The following ZNF479 variants were observed in gnomAD, a reference collection of about 807,000 sequenced individuals.
ZNF479 encodes KRAB zinc finger protein KR19.
A neutral mutation model predicts 14.7 loss-of-function variants in ZNF479; 15 were observed. The observed-to-expected ratio is 1.02, with a 90% confidence interval of 0.68 to 1.57. ZNF479 has a LOEUF of 1.57. Among genes scored for constraint, ZNF479 ranks in the 40% most tolerant of loss-of-function variants. The pLI is 0.00. For synonymous variants in ZNF479, 145 were observed against 211.5 expected (o/e 0.69, Z 2.73); for missense variants, 506 against 615.1 (o/e 0.82, Z 1.88).
At chr7:57,125,867 C>T in intron 3 of ZNF479, 151 bp downstream of exon 3, 1 of 851,724 alleles carries the variant, frequency 1.2e-6, no homozygotes, top group East Asian at 2.6e-5. Context: ...GGAGGTGTCC[C>T]TATGTGAGAG....
Position 57,118,674 on chromosome 7 carries a change from A to G in ZNF479, c.*1166T>C, listed in dbSNP as rs1349270906. Among the ~76,000 whole-genome samples the G allele has an allele frequency of 1.3e-5, 2 of 152,124 alleles. No individual in the cohort carries two copies. The highest frequency in any genetic ancestry group is 2.9e-5 in the Non-Finnish European group (2 of 68,026). ...CATGAGCCAACACACCTGACCTATA[A>G]TCCCTTTATTAAGTATAAACTTTCT... On this transcript the variant is annotated 3_prime_UTR_variant, in exon 4 of 4. Coordinates refer to ENST00000319636, the MANE Select transcript of ZNF479 (RefSeq NM_001370129.2).
upstream of ZNF479, among the ~76,000 whole-genome samples, chr7:57,137,009 TCTCAAAAAAAAGAAAGG>T (rs1786679279): frequency 6.6e-6 from 1 of 152,034 alleles, no homozygotes; most frequent in Non-Finnish European, 1.5e-5. Flanking sequence ...GGAGACACTG[TCTCAAAAAAAAGAAAGG>T]CTCATTGGTT....
Position 57,120,705 on chromosome 7 carries a change from C to G in ZNF479, c.710G>C (p.Gly237Ala), listed in dbSNP as rs782635917. ...NHTTHKIIHT[G>A]EKPYRCEECG... is the part of the protein sequence containing the mutation. ...TTCCTCACATCTATATGGTTTCTCT[C>G]CAGTATGAATTATTTTATGTGTAGT... Residue 237 changes from glycine to alanine, a missense_variant, in exon 4 of 4, where the codon GGA (glycine) becomes GCA (alanine). Physicochemically the swap from Gly to Ala is moderately conservative, Grantham distance 60. Transcript: ENST00000319636. 4.3e-6 allele frequency: 7 copies of G among 1,612,736 alleles called. No individual in the cohort carries two copies. In the Admixed American group the frequency reaches 1.2e-4, roughly 27 times the overall value.
At chr7:57,134,264 AGC>A (rs544942797), upstream of ZNF479, among the ~76,000 whole-genome samples, 78 of 152,338 alleles carry the variant, frequency 5.1e-4, no homozygotes, top group Admixed American at 1.4e-3. Context: ...GCAGTAAAGA[AGC>A]GACAAAAATC....
Position 57,120,738 on chromosome 7 carries a change from G to A in ZNF479, c.677C>T (p.Ser226Leu), listed in dbSNP as rs1467721435. The change falls in exon 4 of 4, where the codon TCA becomes TTA. Residue 226 changes from serine to leucine, a missense_variant. Coordinates refer to ENST00000319636, the MANE Select transcript of ZNF479 (RefSeq NM_001370129.2). The part of the protein sequence containing the change: ...KECGKSFNCS[S>L]NHTTHKIIHT... Reference sequence around the variant, plus strand: ...AATTATTTTATGTGTAGTATGGTTTGAGGAGCAGTTAAAGGATTTGCCACA... The same window carrying A: ...AATTATTTTATGTGTAGTATGGTTTAAGGAGCAGTTAAAGGATTTGCCACA... The A allele has an allele frequency of 1.1e-5, 17 of 1,612,488 alleles. No homozygotes were observed. The highest frequency in any genetic ancestry group is 1.4e-5 in the Non-Finnish European group (17 of 1,179,374).
In ZNF479 at chr7:57,118,264, GAAGTA is replaced by G. The variant is rs1483199063; in HGVS notation, c.*1571_*1575del. On this transcript the variant is annotated 3_prime_UTR_variant, in exon 4 of 4. Transcript: ENST00000319636. ...AATGTGTACAATAAAATCTGTAATG[GAAGTA>G]AAGGTACAGCAATCCTCTTTAAGTT... Among the ~76,000 whole-genome samples, 1 of 152,218 alleles carries G rather than the reference GAAGTA, an allele frequency of 6.6e-6. No homozygotes were observed. The highest frequency in any genetic ancestry group is 2.4e-5 in the African/African-American group (1 of 41,462).
At chr7:57,134,215 G>A (rs527325899), upstream of ZNF479, among the ~76,000 whole-genome samples, 8 of 152,216 alleles carry the variant, frequency 5.3e-5, no homozygotes, top group East Asian at 5.8e-4. Context: ...AGATTGGCAC[G>A]AGATCCATTT....
At chr7:57,132,674 T>C (rs535849364), upstream of ZNF479, among the ~76,000 whole-genome samples, 23 of 152,328 alleles carry the variant, frequency 1.5e-4, no homozygotes, top group African/African-American at 4.8e-4. Context: ...GATATTTGCA[T>C]TTAACCTTGT....
intron 1 of ZNF479, among the ~76,000 whole-genome samples, chr7:57,130,449 G>C (rs1189438349): frequency 6.6e-6 from 1 of 151,784 alleles, no homozygotes; most frequent in Non-Finnish European, 1.5e-5. Flanking sequence ...CTCCAGCCTG[G>C]GTGTAAGAGT....
intron 3 of ZNF479, among the ~76,000 whole-genome samples, chr7:57,123,284 G>A (rs13231419): frequency 0.28 from 43,294 of 152,022 alleles, 7,130 homozygotes; most frequent in East Asian, 0.53. Context: ...ATGTGAATTA[G>A]TAGAGTGAGA....
Position 57,120,603 on chromosome 7 carries a change from C to T in ZNF479, c.812G>A (p.Cys271Tyr). Residue 271 changes from cysteine to tyrosine, a missense_variant, in exon 4 of 4, where the codon TGT becomes TAT. Coordinates refer to ENST00000319636, the MANE Select transcript of ZNF479 (RefSeq NM_001370129.2). ...RTHTGEKPYT[C>Y]EECGQAFRRS... is the part of the protein sequence containing the mutation. ...CCTAAAGGCTTGGCCACATTCTTCA[C>T]ACGTGTAGGGTTTCTCTCCAGTATG... 8 of 1,614,004 alleles carry T rather than the reference C, an allele frequency of 5.0e-6. No homozygotes were observed. The highest frequency in any genetic ancestry group is 6.8e-6 in the Non-Finnish European group (8 of 1,179,932).
At chr7:57,122,894 A>T (rs1424858660) in intron 3 of ZNF479, among the ~76,000 whole-genome samples, 10 of 152,132 alleles carry the variant, frequency 6.6e-5, no homozygotes, top group Non-Finnish European at 1.3e-4. Flanking sequence ...ATATAAAGCA[A>T]ATATTGACAG....
chr7:57,139,346 G>T (rs985606467), intron 1 of ZNF479, among the ~76,000 whole-genome samples: 1 of 152,186 alleles, frequency 6.6e-6, no homozygotes, highest in Non-Finnish European at 1.5e-5. Context: ...TGAGGCTGTG[G>T]CTCTGCTACT....
At chr7:57,133,566 A>T (rs1217901407), upstream of ZNF479, among the ~76,000 whole-genome samples, 2 of 152,170 alleles carry the variant, frequency 1.3e-5, no homozygotes, top group African/African-American at 2.4e-5. Context: ...AATGTTAAAA[A>T]GTAAAAAGAA....
upstream of ZNF479, among the ~76,000 whole-genome samples, chr7:57,133,292 T>C (rs544354411): frequency 3.0e-4 from 45 of 152,242 alleles, no homozygotes; most frequent in Non-Finnish European, 5.0e-4. Context: ...CCCCGGTTCT[T>C]TCTCTTTTTC....
At chr7:57,132,716 A>G (rs1228032389), upstream of ZNF479, among the ~76,000 whole-genome samples, 2 of 152,246 alleles carry the variant, frequency 1.3e-5, no homozygotes, top group Non-Finnish European at 1.5e-5. Flanking sequence ...TAAATGATAT[A>G]TAATATTTAT....
At chr7:57,127,942 T>A (rs867209606) in intron 1 of ZNF479, among the ~76,000 whole-genome samples, 25,898 of 138,648 alleles carry the variant, frequency 0.19, 2,509 homozygotes, top group African/African-American at 0.27. Context: ...TATATATTTT[T>A]TTTTTTTTTT....
At chr7:57,137,829 A>G (rs993111642) in intron 1 of ZNF479, among the ~76,000 whole-genome samples, 2 of 151,878 alleles carry the variant, frequency 1.3e-5, no homozygotes, top group Admixed American at 1.3e-4. Context: ...AGGTGATGTG[A>G]CTCTCCCTTT....
At position 57,123,711 on chromosome 7, in the gene ZNF479, T is replaced by C. The variant is rs548898416; in HGVS notation, c.262+2307A>G. On this transcript the variant is annotated intron_variant, in intron 3 of 3. Transcript: ENST00000319636. ...AGCTGAGCATTGTGGGGTATGCCTCTAGTGCCAGCCGCTCAGTAGGCCAAG... is the reference window on the plus strand; with the variant it reads ...AGCTGAGCATTGTGGGGTATGCCTCCAGTGCCAGCCGCTCAGTAGGCCAAG... Among the ~76,000 whole-genome samples, 527 of 151,094 alleles carry C rather than the reference T, an allele frequency of 3.5e-3. 9 individuals carry two copies. Among genetic ancestry groups the C allele is most frequent in the African/African-American group, 0.012 (482 of 40,494 alleles).
Sources: allele counts gnomAD v4.1 joint callset (sites outside exome capture counted in the v4.1 genomes callset), GRCh38; gene constraint gnomAD v4.1.1; transcripts MANE v1.5; gene names NCBI Gene and HGNC (gene_info 2026-07-23, HGNC 2026-07-21).